Variants in CNBD1 observed in about 807,000 individuals in gnomAD.
CNBD1 encodes cyclic nucleotide-binding domain-containing protein 1.
CNBD1 carries 71 observed loss-of-function variants against 54.4 expected under a neutral mutation model. The ratio of observed to expected loss-of-function variants is 1.30; its 90% CI spans 1.08 to 1.59. The LOEUF is 1.59. CNBD1 is among the 40% of genes most tolerant of loss of function. The probability of loss-of-function intolerance (pLI) is 0.00; values close to 1 mark genes in which losing one functional copy is unlikely to be tolerated. For missense variants in CNBD1, 659 were observed against 518.0 expected, an observed-to-expected ratio of 1.27 and a Z score of -2.64; for synonymous variants, 182 against 170.7, an observed-to-expected ratio of 1.07 and a Z score of -0.51.
intron 1 of CNBD1, among the ~76,000 whole-genome samples, chr8:86,872,600 T>C (rs1250980974): frequency 1.3e-5 from 2 of 152,150 alleles, no homozygotes; most frequent in Non-Finnish European, 2.9e-5. Context: ...CACTTATCTT[T>C]AGATTTTTGA....
intron 6 of CNBD1, among the ~76,000 whole-genome samples, chr8:87,280,842 CTTAG>C (rs1023913611): frequency 7.9e-5 from 12 of 151,302 alleles, no homozygotes; most frequent in Admixed American, 6.6e-5. Context: ...TCTCAATAAA[CTTAG>C]TTATCAATTT....
intron 8 of CNBD1, among the ~76,000 whole-genome samples, chr8:87,316,600 T>G (rs1809393108): frequency 6.6e-6 from 1 of 151,930 alleles, no homozygotes; most frequent in Non-Finnish European, 1.5e-5. Flanking sequence ...CAAAGATAGA[T>G]GTACAATAAT....
At chr8:87,260,209 C>A (rs11784844) in intron 6 of CNBD1, among the ~76,000 whole-genome samples, 1 of 151,972 alleles carries the variant, frequency 6.6e-6, no homozygotes, top group African/African-American at 2.4e-5. Context: ...GAGCTAATTA[C>A]GACCTGAACC....
chr8:87,377,622 T>A (rs944770421), intron 10 of CNBD1, among the ~76,000 whole-genome samples: 28 of 151,064 alleles, frequency 1.9e-4, no homozygotes, highest in Admixed American at 4.0e-4. Context: ...TACGTGTGCA[T>A]GTGTCTTTAT....
At chr8:87,174,552 T>G (rs1016423158) in intron 4 of CNBD1, among the ~76,000 whole-genome samples, 3 of 152,218 alleles carry the variant, frequency 2.0e-5, no homozygotes, top group Admixed American at 6.5e-5. Flanking sequence ...AGGTCACATA[T>G]CTCTGTATTT....
At chr8:87,203,002 G>A (rs2130795039) in intron 4 of CNBD1, among the ~76,000 whole-genome samples, 1 of 152,204 alleles carries the variant, frequency 6.6e-6, no homozygotes, top group Admixed American at 6.6e-5. Context: ...TTGACCATGG[G>A]CTGAAACTCT....
chr8:87,113,746 C>T (rs148684669), intron 4 of CNBD1, among the ~76,000 whole-genome samples: 27 of 152,038 alleles, frequency 1.8e-4, no homozygotes, highest in African/African-American at 5.8e-4. Context: ...GGTGAGACCC[C>T]GTCTCTACTA....
chr8:87,376,255 T>A (rs1049866446), intron 10 of CNBD1, among the ~76,000 whole-genome samples: 3 of 151,874 alleles, frequency 2.0e-5, no homozygotes, highest in African/African-American at 7.2e-5. Context: ...AGTCCCTGGC[T>A]GATCTGGTGT....
intron 8 of CNBD1, among the ~76,000 whole-genome samples, chr8:87,293,668 T>C (rs1295862276): frequency 1.3e-5 from 2 of 152,212 alleles, no homozygotes; most frequent in Non-Finnish European, 2.9e-5. Context: ...AAAAGTATGA[T>C]TTTTAAACAA....
chr8:86,959,357 A>G (rs899091596), intron 4 of CNBD1, among the ~76,000 whole-genome samples: 1 of 152,090 alleles, frequency 6.6e-6, no homozygotes. Flanking sequence ...GAATATCTTC[A>G]TGGCGTTCTC....
chr8:87,328,244 A>G (rs1563554684), intron 8 of CNBD1, among the ~76,000 whole-genome samples: 1 of 151,938 alleles, frequency 6.6e-6, no homozygotes, highest in South Asian at 2.1e-4. Flanking sequence ...TATTTCCTTC[A>G]TTGTTTATTT....
intron 2 of CNBD1, among the ~76,000 whole-genome samples, chr8:87,398,899 G>A (rs1267985660): frequency 1.3e-5 from 2 of 151,914 alleles, no homozygotes; most frequent in African/African-American, 2.4e-5. Flanking sequence ...ACCACTATCA[G>A]ACCCACCTAT....
At chr8:87,157,944 G>A (rs981981604) in intron 4 of CNBD1, among the ~76,000 whole-genome samples, 3 of 152,148 alleles carry the variant, frequency 2.0e-5, no homozygotes, top group Non-Finnish European at 4.4e-5. Context: ...GGGCTTTGGA[G>A]TCAGGCGACT....
chr8:87,310,368 C>A (rs891858457), intron 8 of CNBD1, among the ~76,000 whole-genome samples: 1 of 151,842 alleles, frequency 6.6e-6, no homozygotes, highest in Non-Finnish European at 1.5e-5. Context: ...AAAATGCAAT[C>A]CCATTTACAA....
At chr8:87,196,978 C>T (rs1813736013) in intron 4 of CNBD1, among the ~76,000 whole-genome samples, 1 of 149,758 alleles carries the variant, frequency 6.7e-6, no homozygotes, top group South Asian at 2.1e-4. Context: ...GATAATTTGG[C>T]CGTCAGCTGG....
chr8:87,309,975 A>T, intron 8 of CNBD1, among the ~76,000 whole-genome samples: 1 of 152,188 alleles, frequency 6.6e-6, no homozygotes, highest in East Asian at 1.9e-4. Flanking sequence ...AAATGACTTC[A>T]GTAGAGTTTC....
At chr8:86,893,768 G>T (rs1354942293) in intron 2 of CNBD1, among the ~76,000 whole-genome samples, 1 of 152,100 alleles carries the variant, frequency 6.6e-6, no homozygotes, top group Non-Finnish European at 1.5e-5. Flanking sequence ...CATTTACCCA[G>T]TAATTAAAGT....
intron 6 of CNBD1, among the ~76,000 whole-genome samples, chr8:87,278,989 C>G (rs1219321612): frequency 6.6e-6 from 1 of 151,234 alleles, no homozygotes; most frequent in Non-Finnish European, 1.5e-5. Context: ...TCTGAAAATT[C>G]CATTATTATG....
chr8:86,937,921 AG>A (rs1271681582), intron 3 of CNBD1, among the ~76,000 whole-genome samples: 1 of 152,192 alleles, frequency 6.6e-6, no homozygotes, highest in Non-Finnish European at 1.5e-5. Flanking sequence ...CTGCATTTTC[AG>A]GCTGCAAATT....
Sources: allele counts gnomAD v4.1 joint callset (sites outside exome capture counted in the v4.1 genomes callset), GRCh38; gene constraint gnomAD v4.1.1; transcripts MANE v1.5; gene names NCBI Gene and HGNC (gene_info 2026-07-23, HGNC 2026-07-21).